The following HECTD2 variants were observed in gnomAD, a reference collection of about 807,000 sequenced individuals.
The protein encoded by HECTD2 is HECT domain E3 ubiquitin protein ligase 2.
In HECTD2, 35 loss-of-function variants were observed where a neutral mutation model predicts 103.2. The ratio of observed to expected loss-of-function variants is 0.34; its 90% CI spans 0.26 to 0.45. HECTD2 has a LOEUF of 0.45. Ranked by LOEUF, HECTD2 falls within the 20% of genes least tolerant of loss-of-function variation. The pLI is 1.00. For missense variants in HECTD2, 596 were observed against 937.4 expected (o/e 0.64, Z 4.76); for synonymous variants, 281 against 329.9 (o/e 0.85, Z 1.61).
At chr10:91,443,263 G>A (rs537162760) in intron 2 of HECTD2, among the ~76,000 whole-genome samples, 26 of 94,100 alleles carry the variant, frequency 2.8e-4, no homozygotes, top group Admixed American at 4.3e-4. Flanking sequence ...TTTGGATGGG[G>A]TTTTTGTGTG....
intron 5 of HECTD2, among the ~76,000 whole-genome samples, chr10:91,465,245 T>C (rs909150218): frequency 5.9e-5 from 9 of 152,180 alleles, no homozygotes; most frequent in African/African-American, 2.2e-4. Context: ...TGAGGGAGGC[T>C]AAAAACAGTT....
intron 5 of HECTD2, among the ~76,000 whole-genome samples, chr10:91,474,349 T>G (rs927007418): frequency 6.6e-6 from 1 of 152,170 alleles, no homozygotes. Flanking sequence ...TCACTTTAGA[T>G]TTTTAAAAAT....
At position 91,466,575 on chromosome 10, in the gene HECTD2, A is replaced by G. The variant is rs574820014; in HGVS notation, c.600+4391A>G. On this transcript the variant is annotated intron_variant, in intron 5 of 20. Coordinates refer to ENST00000298068, the MANE Select transcript of HECTD2 (RefSeq NM_182765.6). ...TCCCTCTAAACACTGCTTTTGCTAT[A>G]TCTCACAAATTTTGATAGGTTGTAT... 2.0e-5 allele frequency among the ~76,000 whole-genome samples: 3 copies of G among 152,258 alleles called. 1 individual carries two copies. The highest frequency in any genetic ancestry group is 4.1e-4 in the South Asian group (2 of 4,826).
intron 2 of HECTD2, among the ~76,000 whole-genome samples, chr10:91,456,054 G>C (rs978129878): frequency 1.3e-5 from 2 of 152,074 alleles, no homozygotes; most frequent in Admixed American, 1.3e-4. Flanking sequence ...TTAGCAATGC[G>C]GGCTGTTTTT....
chr10:91,494,215 A>G (rs948265016), intron 14 of HECTD2, among the ~76,000 whole-genome samples: 2 of 151,994 alleles, frequency 1.3e-5, no homozygotes, highest in Non-Finnish European at 2.9e-5. Context: ...GTGGGGGGGA[A>G]TTCTTAATCT....
At chr10:91,430,649 CTT>C (rs1160893980) in intron 2 of HECTD2, among the ~76,000 whole-genome samples, 1 of 152,038 alleles carries the variant, frequency 6.6e-6, no homozygotes, top group Non-Finnish European at 1.5e-5. Context: ...TTCTTTGTCT[CTT>C]TTGATCTTTT....
chr10:91,480,787 C>T (rs1846062645), intron 6 of HECTD2, among the ~76,000 whole-genome samples: 1 of 151,854 alleles, frequency 6.6e-6, no homozygotes, highest in Non-Finnish European at 1.5e-5. Context: ...AAAACAAAAA[C>T]ATAAGTATTC....
At chr10:91,481,488 A>T (rs1311094857) in intron 7 of HECTD2, among the ~76,000 whole-genome samples, 1 of 151,536 alleles carries the variant, frequency 6.6e-6, no homozygotes, top group Non-Finnish European at 1.5e-5. Flanking sequence ...GTTTCTTGTA[A>T]CTAGTTTTAA....
intron 2 of HECTD2, 78 bp downstream of exon 2, chr10:91,425,488 A>G: frequency 9.2e-7 from 1 of 1,086,470 alleles, no homozygotes; most frequent in Non-Finnish European, 1.3e-6. Context: ...ATTATTCAGC[A>G]TTGTTCTGAT....
At chr10:91,464,941 A>G (rs1271784043) in intron 5 of HECTD2, among the ~76,000 whole-genome samples, 1 of 152,174 alleles carries the variant, frequency 6.6e-6, no homozygotes, top group Non-Finnish European at 1.5e-5. Flanking sequence ...TACAAACAGA[A>G]AATAAACCTA....
intron 20 of HECTD2, among the ~76,000 whole-genome samples, chr10:91,503,590 C>A (rs1308967403): frequency 1.3e-5 from 2 of 152,198 alleles, no homozygotes; most frequent in African/African-American, 4.8e-5. Flanking sequence ...AACGGTGCAC[C>A]ACGAGATTAT....
intron 2 of HECTD2, among the ~76,000 whole-genome samples, chr10:91,431,971 T>C (rs1302154302): frequency 1.3e-5 from 2 of 151,878 alleles, no homozygotes; most frequent in South Asian, 2.1e-4. Flanking sequence ...ACTCGATGAG[T>C]AGACCTTTTA....
intron 5 of HECTD2, among the ~76,000 whole-genome samples, chr10:91,469,752 A>G (rs1410479830): frequency 6.6e-6 from 1 of 152,184 alleles, no homozygotes; most frequent in African/African-American, 2.4e-5. Flanking sequence ...AAAAGGCTAA[A>G]TGTCTACTTA....
intron 2 of HECTD2, among the ~76,000 whole-genome samples, chr10:91,434,475 CTTGTT>C (rs1251055678): frequency 1.2e-4 from 18 of 151,982 alleles, no homozygotes. Flanking sequence ...ACTTAGCCCT[CTTGTT>C]TTTTATTTTG....
chr10:91,461,576 TCTCA>T (rs1200304350), intron 4 of HECTD2, among the ~76,000 whole-genome samples: 1 of 152,004 alleles, frequency 6.6e-6, no homozygotes, highest in African/African-American at 2.4e-5. Context: ...TGAGATGGAG[TCTCA>T]CTCTGTTGCC....
In HECTD2 at chr10:91,499,169, A is replaced by G. The variant is rs896692701; in HGVS notation, c.1950+19A>G. 6.8e-7 allele frequency: 1 copy of G among 1,480,308 alleles called. No homozygotes were observed. The highest frequency in any genetic ancestry group is 1.9e-4 in the Middle Eastern group (1 of 5,348). 91.7% of individuals were successfully genotyped at this position (1,480,308 alleles called of 1,614,324 possible). ...CCTAATGGTGAGTTTATAACTTTAA[A>G]TCAAGCTTTCGGTTAGCTTTTGTAG... On this transcript the variant is annotated intron_variant, in intron 18 of 20. Transcript: ENST00000298068.
At chr10:91,444,344 A>T (rs935473304) in intron 2 of HECTD2, among the ~76,000 whole-genome samples, 2 of 152,186 alleles carry the variant, frequency 1.3e-5, no homozygotes, top group African/African-American at 4.8e-5. Flanking sequence ...AGAGCCTGAG[A>T]GTGGAGAGAT....
At chr10:91,409,456 A>G (rs1349311957), upstream of HECTD2, 1 of 152,688 alleles carries the variant, frequency 6.5e-6, no homozygotes, top group East Asian at 1.9e-4. Flanking sequence ...GAAAGGAACA[A>G]GGAAGGGACG....
At position 91,461,295 on chromosome 10, in the gene HECTD2, C is replaced by G; in HGVS notation, c.449C>G (p.Ala150Gly). The G allele has an allele frequency of 6.4e-7, 1 of 1,554,606 alleles. No individual in the cohort carries two copies. The stretch of plus-strand genomic sequence containing the variant: ...GTTAAGTCATCAGGAGATTGGAAAG[C>G]AGTACATGATTTTTATCTAACAACG... ...EKVKSSGDWK[A>G]VHDFYLTTFD... is the part of the protein sequence containing the mutation. Residue 150 changes from alanine to glycine, a missense_variant, in exon 4 of 21, where the codon GCA becomes GGA. Around this residue, in one of 4 missense-constraint regions of HECTD2, gnomAD observed 220 missense variants for 233.9 expected, o/e 0.94. Transcript: ENST00000298068.
Sources: gnomAD v4.1 joint callset for allele counts (sites outside exome capture counted in the v4.1 genomes callset) on GRCh38, gnomAD v4.1.1 for gene constraint, gnomAD v4.1.1 regional missense constraint, MANE v1.5 for transcripts, NCBI Gene and HGNC (gene_info 2026-07-23, HGNC 2026-07-21) for gene names.